MGLL: variants seen among roughly 807,000 people sequenced by gnomAD.
The protein encoded by MGLL is lysophospholipase homolog.
In MGLL, 7 loss-of-function variants were observed where a neutral mutation model predicts 29.1. The ratio of observed to expected loss-of-function variants is 0.24; its 90% CI spans 0.14 to 0.45. The LOEUF (loss-of-function observed/expected upper bound fraction) is 0.45, where lower values mean the gene tolerates loss of function less well. Among genes scored for constraint, MGLL ranks in the 20% least tolerant of loss-of-function variants. MGLL has a pLI of 0.99. For missense variants in MGLL, 356 were observed against 413.6 expected (o/e 0.86, Z 1.21); for synonymous variants, 148 against 168.3 (o/e 0.88, Z 0.93).
chr3:127,721,709 G>T (rs1400514313), intron 4 of MGLL, among the ~76,000 whole-genome samples: 1 of 152,126 alleles, frequency 6.6e-6, no homozygotes. Flanking sequence ...GGTTGCAACC[G>T]CAAATGCTCA....
chr3:127,819,589 G>A (rs2077821393), intron 2 of MGLL, among the ~76,000 whole-genome samples: 2 of 152,152 alleles, frequency 1.3e-5, no homozygotes, highest in Middle Eastern at 3.2e-3. Flanking sequence ...ACAAAGCGAG[G>A]CCCTAGTTTT....
intron 2 of MGLL, among the ~76,000 whole-genome samples, chr3:127,798,510 G>C (rs1222541410): frequency 6.6e-6 from 1 of 152,060 alleles, no homozygotes; most frequent in Non-Finnish European, 1.5e-5. Context: ...TTCCTCCTTG[G>C]ACAGGCCCTT....
chr3:127,750,835 T>C (rs1434247897), intron 3 of MGLL, among the ~76,000 whole-genome samples: 4 of 152,218 alleles, frequency 2.6e-5, no homozygotes, highest in Non-Finnish European at 5.9e-5. Context: ...ACAGAAAGCA[T>C]GAAGACAAAA....
At position 127,692,110 on chromosome 3, in the gene MGLL, TTTTTTG is replaced by T. The variant is rs1301423930; in HGVS notation, c.*82_*87del. ...CAATTTCTGATTTTTTTTTTTTTTT[TTTTTTG>T]GCAAGCCATATCTGAGAAGCCATCT... On this transcript the variant is annotated 3_prime_UTR_variant, in exon 8 of 8. Coordinates refer to ENST00000265052, the MANE Select transcript of MGLL (RefSeq NM_007283.7). The T allele has an allele frequency of 1.8e-3, 1,683 of 956,794 alleles. 10 individuals carry two copies. Among genetic ancestry groups the T allele is most frequent in the African/African-American group, 0.01 (540 of 52,968 alleles). The allele number at this position is 956,794 out of a possible 1,614,324, so 59.3% of individuals were successfully genotyped here.
At chr3:127,706,594 A>G (rs1021381250) in intron 6 of MGLL, among the ~76,000 whole-genome samples, 4 of 152,230 alleles carry the variant, frequency 2.6e-5, no homozygotes, top group Admixed American at 1.3e-4. Flanking sequence ...ACCACCCCAC[A>G]TGGAGCCATA....
At chr3:127,818,117 C>T (rs943914821) in intron 2 of MGLL, among the ~76,000 whole-genome samples, 7 of 152,234 alleles carry the variant, frequency 4.6e-5, no homozygotes, top group Non-Finnish European at 8.8e-5. Flanking sequence ...TCTGCCACCA[C>T]ACCCCGGTAA....
chr3:127,736,446 G>A (rs544493232), intron 3 of MGLL: 20 of 719,700 alleles, frequency 2.8e-5, no homozygotes, highest in Non-Finnish European at 3.4e-5. Context: ...GAGAGAACAC[G>A]TGAGAAATGG....
At position 127,781,696 on chromosome 3, in the gene MGLL, T is replaced by C. The variant is rs991490208; in HGVS notation, c.262+93A>G. ...GAAACATCCGTGGGGAATAGAAGAA[T>C]TGAGAAGGATGCTGGCAGTGAGATG... On this transcript the variant is annotated intron_variant, in intron 3 of 7. Coordinates refer to ENST00000265052, the MANE Select transcript of MGLL (RefSeq NM_007283.7). 6.1e-6 allele frequency: 7 copies of C among 1,138,666 alleles called. No individual in the cohort carries two copies. The African/African-American group carries it at 7.6e-5, about 12-fold the overall frequency. The allele number at this position is 1,138,666 out of a possible 1,614,324, so 70.5% of individuals were successfully genotyped here. A position where few individuals can be genotyped will look rare whatever the true frequency, so the allele number is the denominator to read the frequency against.
At chr3:127,739,232 T>G (rs1487717864) in intron 3 of MGLL, among the ~76,000 whole-genome samples, 2 of 152,132 alleles carry the variant, frequency 1.3e-5, no homozygotes, top group East Asian at 3.8e-4. Flanking sequence ...AGGCCTCTTG[T>G]GGGGGGTTCA....
intron 3 of MGLL, among the ~76,000 whole-genome samples, chr3:127,768,034 A>G (rs185563554): frequency 9.8e-5 from 15 of 152,362 alleles, no homozygotes; most frequent in Non-Finnish European, 1.5e-5. Context: ...GGACAAGTGT[A>G]TGCCAATAAA....
rs1431170554 is a variant in MGLL, at chr3:127,760,057, T to C, written c.262+21732A>G. ...CGTTGGAGAAAGGAAGCCAGTGGTG[T>C]AGCAGGGAGAGCGCTGGATGTGCAC... is the stretch of plus-strand genomic sequence containing the variant. On this transcript the variant is annotated intron_variant, in intron 3 of 7. Coordinates refer to ENST00000265052, the MANE Select transcript of MGLL (RefSeq NM_007283.7). Among the ~76,000 whole-genome samples, 3 of 152,258 alleles carry C rather than the reference T, an allele frequency of 2.0e-5. No homozygotes were observed. The East Asian group carries it at 5.8e-4, about 29-fold the overall frequency.
At chr3:127,787,281 C>T (rs113303610) in intron 2 of MGLL, among the ~76,000 whole-genome samples, 114 of 152,338 alleles carry the variant, frequency 7.5e-4, no homozygotes, top group African/African-American at 2.6e-3. Context: ...CTGAAGGGGC[C>T]GGCCTGTTCT....
intron 3 of MGLL, among the ~76,000 whole-genome samples, chr3:127,739,487 T>C (rs2076298241): frequency 6.6e-6 from 1 of 152,212 alleles, no homozygotes; most frequent in South Asian, 2.1e-4. Flanking sequence ...CAACGTGAAC[T>C]GTATGAACTG....
At chr3:127,744,973 C>T (rs1159331987) in intron 3 of MGLL, among the ~76,000 whole-genome samples, 1 of 152,148 alleles carries the variant, frequency 6.6e-6, no homozygotes, top group Non-Finnish European at 1.5e-5. Flanking sequence ...CATGTTTTGG[C>T]TAATATATAT....
intron 2 of MGLL, among the ~76,000 whole-genome samples, chr3:127,795,588 T>C (rs79731318): frequency 0.018 from 2,709 of 152,244 alleles, 83 homozygotes; most frequent in African/African-American, 0.062. Context: ...GAGATGATGA[T>C]GAGGTTGCTG....
Position 127,692,318 on chromosome 3 carries a change from A to G in MGLL, c.822T>C (p.Tyr274=). 2 of 1,614,124 alleles carry G rather than the reference A, an allele frequency of 1.2e-6. No homozygotes were observed. The highest frequency in any genetic ancestry group is 1.3e-5 in the African/African-American group (1 of 75,036). The change falls in exon 8 of 8, where the codon TAT becomes TAC. Residue 274 remains tyrosine, a synonymous_variant. Coordinates refer to ENST00000265052, the MANE Select transcript of MGLL (RefSeq NM_007283.7). ...TGTGGAGAACATGGTAGGCACCTTC[A>G]TAAATCTGCAATGAGGAGAGACACG... is the stretch of plus-strand genomic sequence containing the variant. The part of the protein sequence containing the change: ...AKSQDKTLKI[Y]EGAYHVLHKE...
chr3:127,787,930 G>C (rs2077241553), intron 2 of MGLL, among the ~76,000 whole-genome samples: 1 of 152,230 alleles, frequency 6.6e-6, no homozygotes, highest in Non-Finnish European at 1.5e-5. Context: ...ATGGCTCTGT[G>C]GAAGCCCAGA....
At chr3:127,780,568 G>T (rs1258577397) in intron 3 of MGLL, among the ~76,000 whole-genome samples, 2 of 152,218 alleles carry the variant, frequency 1.3e-5, no homozygotes. Context: ...TGATAAGAAA[G>T]AATTAGTCAA....
At chr3:127,737,701 A>G (rs1290700626) in intron 3 of MGLL, among the ~76,000 whole-genome samples, 3 of 131,372 alleles carry the variant, frequency 2.3e-5, no homozygotes, top group Non-Finnish European at 3.1e-5. Flanking sequence ...CTGGAGTGCA[A>G]TGGCGCAATC....
Sources: gnomAD v4.1 joint callset for allele counts (sites outside exome capture counted in the v4.1 genomes callset) on GRCh38, gnomAD v4.1.1 for gene constraint, MANE v1.5 for transcripts, NCBI Gene and HGNC (gene_info 2026-07-23, HGNC 2026-07-21) for gene names.